The following ARB2A variants were observed in gnomAD, a reference collection of about 807,000 sequenced individuals.
The protein encoded by ARB2A is cotranscriptional regulator ARB2A.
chr5:93,855,778 A>T, the ARB2A span, among the ~76,000 whole-genome samples: 1 of 152,168 alleles, frequency 6.6e-6, no homozygotes, highest in African/African-American at 2.4e-5. Context: ...AGAATGTTGA[A>T]TATTGGAAAG....
At chr5:93,743,839 TG>T in the ARB2A span, among the ~76,000 whole-genome samples, 1 of 151,986 alleles carries the variant, frequency 6.6e-6, no homozygotes, top group Non-Finnish European at 1.5e-5. Context: ...GCTAATTTTT[TG>T]TATTTTTAGT....
the ARB2A span, among the ~76,000 whole-genome samples, chr5:93,769,496 T>A: frequency 1.3e-5 from 2 of 152,190 alleles, no homozygotes; most frequent in Non-Finnish European, 2.9e-5. Context: ...GAACAATTAA[T>A]CTTTTTCAAC....
chr5:94,106,134 G>C, the ARB2A span, among the ~76,000 whole-genome samples: 1 of 151,712 alleles, frequency 6.6e-6, no homozygotes, highest in Non-Finnish European at 1.5e-5. Context: ...TGAAAAGAAA[G>C]ACCTAATTAA....
chr5:93,826,599 A>AT, the ARB2A span, among the ~76,000 whole-genome samples: 720 of 151,964 alleles, frequency 4.7e-3, 2 homozygotes, highest in East Asian at 8.3e-3. Context: ...TGTTTTTTTA[A>AT]TTTTTTTTAT....
chr5:93,865,258 T>C, the ARB2A span: 1 of 323,116 alleles, frequency 3.1e-6, no homozygotes, highest in Admixed American at 6.5e-5. Context: ...ATTTTTTGTA[T>C]TTTTAATAGA....
chr5:93,810,200 T>G, the ARB2A span, among the ~76,000 whole-genome samples: 1 of 151,892 alleles, frequency 6.6e-6, no homozygotes, highest in Non-Finnish European at 1.5e-5. Flanking sequence ...GTTTCGTTTT[T>G]TTTTTTTTTT....
chr5:93,870,331 C>T, the ARB2A span, among the ~76,000 whole-genome samples: 3 of 152,164 alleles, frequency 2.0e-5, no homozygotes, highest in Admixed American at 6.5e-5. Context: ...CAGTCCTACC[C>T]GATTCGATTT....
the ARB2A span, among the ~76,000 whole-genome samples, chr5:93,812,789 A>G: frequency 6.6e-6 from 1 of 152,200 alleles, no homozygotes; most frequent in African/African-American, 2.4e-5. Context: ...AAAATATTGA[A>G]TAGCAATTTT....
At chr5:94,096,878 G>C in the ARB2A span, among the ~76,000 whole-genome samples, 1 of 152,170 alleles carries the variant, frequency 6.6e-6, no homozygotes, top group African/African-American at 2.4e-5. Flanking sequence ...TTCATTTCTG[G>C]CCTTGAGTGG....
chr5:93,946,606 G>T, the ARB2A span, among the ~76,000 whole-genome samples: 7 of 152,036 alleles, frequency 4.6e-5, no homozygotes, highest in African/African-American at 1.7e-4. Flanking sequence ...TAAATCAAAA[G>T]ACAGAACTAT....
chr5:93,761,638 T>A, the ARB2A span, among the ~76,000 whole-genome samples: 1 of 152,152 alleles, frequency 6.6e-6, no homozygotes, highest in Non-Finnish European at 1.5e-5. Context: ...GGGCAGGGCA[T>A]TGCAAAACAA....
At chr5:93,894,919 G>A in the ARB2A span, among the ~76,000 whole-genome samples, 3 of 152,146 alleles carry the variant, frequency 2.0e-5, no homozygotes, top group Non-Finnish European at 2.9e-5. Context: ...TGTATGAACG[G>A]TGCCACCTAT....
At chr5:94,004,998 CAAAAAAAAAAAAAAAA>C in the ARB2A span, among the ~76,000 whole-genome samples, 23 of 12,552 alleles carry the variant, frequency 1.8e-3, no homozygotes, top group African/African-American at 4.8e-3. Flanking sequence ...ATTTTATCAG[CAAAAAAAAAAAAAAAA>C]AAAAAAAAAA....
At chr5:94,047,106 T>C in the ARB2A span, among the ~76,000 whole-genome samples, 2 of 152,204 alleles carry the variant, frequency 1.3e-5, no homozygotes, top group Non-Finnish European at 2.9e-5. Context: ...TAGGAAAATA[T>C]GTTTACTTTT....
the ARB2A span, chr5:93,910,913 T>G: frequency 6.6e-6 from 1 of 151,590 alleles, no homozygotes; most frequent in Non-Finnish European, 1.5e-5. Context: ...TTTGAACATC[T>G]ATAAAACATA....
the ARB2A span, among the ~76,000 whole-genome samples, chr5:93,743,989 G>A: frequency 6.6e-6 from 1 of 151,890 alleles, no homozygotes; most frequent in Non-Finnish European, 1.5e-5. Context: ...CATAAGAGAA[G>A]AACAGGAAAA....
chr5:93,864,322 A>C, the ARB2A span, among the ~76,000 whole-genome samples: 220 of 152,314 alleles, frequency 1.4e-3, 1 homozygote, highest in South Asian at 8.1e-3. Context: ...AGGTGAAAGC[A>C]AAAGAAGAAA....
the ARB2A span, among the ~76,000 whole-genome samples, chr5:93,791,197 C>A: frequency 2.0e-5 from 3 of 152,150 alleles, no homozygotes; most frequent in East Asian, 5.8e-4. Flanking sequence ...TAATCAAGTA[C>A]AAATAAGATG....
the ARB2A span, among the ~76,000 whole-genome samples, chr5:93,722,855 T>C: frequency 7.4e-4 from 112 of 152,276 alleles, no homozygotes; most frequent in African/African-American, 2.6e-3. Flanking sequence ...ATATTCAGCA[T>C]GTATAACAAT....
Sources: allele counts gnomAD v4.1 joint callset (sites outside exome capture counted in the v4.1 genomes callset), GRCh38; gene constraint gnomAD v4.1.1; transcripts MANE v1.5; gene names NCBI Gene and HGNC (gene_info 2026-07-23, HGNC 2026-07-21).